SLC24A2: variants seen among roughly 807,000 people sequenced by gnomAD.
The protein encoded by SLC24A2 is sodium/potassium/calcium exchanger 2.
Under a neutral mutation model 62.0 loss-of-function variants are expected in SLC24A2, and 36 were observed. That is an observed-to-expected ratio of 0.58 (90% CI 0.44 to 0.77). The LOEUF is 0.77. Ranked by LOEUF, SLC24A2 falls within the 30% of genes least tolerant of loss-of-function variation. SLC24A2 has a pLI of 0.00. For missense variants in SLC24A2, 846 were observed against 817.9 expected (o/e 1.03, Z -0.42); for synonymous variants, 358 against 294.0 (o/e 1.22, Z -2.23).
the SLC24A2 span, among the ~76,000 whole-genome samples, chr9:19,886,452 A>T: frequency 6.6e-6 from 1 of 152,222 alleles, no homozygotes; most frequent in Non-Finnish European, 1.5e-5. Flanking sequence ...AACATATGAA[A>T]AAAAGCTCAA....
At chr9:19,970,847 A>G in the SLC24A2 span, among the ~76,000 whole-genome samples, 3 of 152,216 alleles carry the variant, frequency 2.0e-5, no homozygotes, top group African/African-American at 7.2e-5. Flanking sequence ...GGCTTGATAG[A>G]CAGTCCTGAC....
At chr9:19,622,668 T>C (rs373284326) in intron 2 of SLC24A2, among the ~76,000 whole-genome samples, 1 of 152,102 alleles carries the variant, frequency 6.6e-6, no homozygotes, top group African/African-American at 2.4e-5. Flanking sequence ...ACTGAAAAAA[T>C]TAAACATTTA....
At chr9:20,239,664 C>G in the SLC24A2 span, among the ~76,000 whole-genome samples, 1,560 of 152,318 alleles carry the variant, frequency 0.01, 28 homozygotes, top group African/African-American at 0.034. Context: ...GACCCAGGAT[C>G]CATCATAAGA....
the SLC24A2 span, among the ~76,000 whole-genome samples, chr9:20,279,130 G>A: frequency 6.6e-6 from 1 of 152,160 alleles, no homozygotes; most frequent in East Asian, 1.9e-4. Context: ...CCCATGATTT[G>A]ATTTTCTCCA....
At chr9:20,002,618 T>C in the SLC24A2 span, among the ~76,000 whole-genome samples, 19 of 152,144 alleles carry the variant, frequency 1.2e-4, no homozygotes, top group Non-Finnish European at 2.4e-4. Flanking sequence ...CAGGCAATCA[T>C]AGTTGAGAGC....
the SLC24A2 span, among the ~76,000 whole-genome samples, chr9:20,099,368 TC>T: frequency 2.6e-5 from 4 of 152,206 alleles, no homozygotes; most frequent in African/African-American, 9.6e-5. Flanking sequence ...ATTTCCTTCT[TC>T]TTTAGGCAAC....
At chr9:19,774,772 G>T (rs952480392) in intron 2 of SLC24A2, among the ~76,000 whole-genome samples, 2 of 152,110 alleles carry the variant, frequency 1.3e-5, no homozygotes, top group Non-Finnish European at 2.9e-5. Context: ...GGGTAAAGAA[G>T]CCCTCATTAC....
chr9:19,665,010 C>T (rs1819208096), intron 2 of SLC24A2, among the ~76,000 whole-genome samples: 2 of 152,124 alleles, frequency 1.3e-5, no homozygotes, highest in South Asian at 4.1e-4. Context: ...CTTGTAACAC[C>T]AGGTTTGCTG....
chr9:20,061,511 T>A, the SLC24A2 span, among the ~76,000 whole-genome samples: 1 of 152,286 alleles, frequency 6.6e-6, no homozygotes, highest in South Asian at 2.1e-4. Context: ...GGTCTTGAGC[T>A]CCTGACCTCA....
chr9:19,706,416 G>T (rs1820521171), intron 2 of SLC24A2, among the ~76,000 whole-genome samples: 2 of 136,968 alleles, frequency 1.5e-5, no homozygotes, highest in South Asian at 2.3e-4. Context: ...GTTTCGCTCT[G>T]TCGCCCATGC....
At chr9:19,855,628 C>T in the SLC24A2 span, among the ~76,000 whole-genome samples, 1 of 152,202 alleles carries the variant, frequency 6.6e-6, no homozygotes, top group Non-Finnish European at 1.5e-5. Context: ...CCAATCTCTT[C>T]TGGCTTGTAG....
intron 2 of SLC24A2, among the ~76,000 whole-genome samples, chr9:19,675,072 C>T (rs1587135074): frequency 6.6e-6 from 1 of 152,286 alleles, no homozygotes; most frequent in Non-Finnish European, 1.5e-5. Flanking sequence ...TGCTCTCTCC[C>T]TTCCCCTAGG....
chr9:19,728,313 A>C (rs1217787574), intron 2 of SLC24A2, among the ~76,000 whole-genome samples: 4 of 152,084 alleles, frequency 2.6e-5, no homozygotes, highest in Non-Finnish European at 4.4e-5. Context: ...AAAAAAAAAA[A>C]AAAACTTGAC....
At chr9:19,843,927 G>T in the SLC24A2 span, among the ~76,000 whole-genome samples, 1 of 152,122 alleles carries the variant, frequency 6.6e-6, no homozygotes, top group East Asian at 1.9e-4. Context: ...GTCCACTGTT[G>T]GTGGGCATCT....
At chr9:20,101,622 C>G in the SLC24A2 span, among the ~76,000 whole-genome samples, 10 of 152,216 alleles carry the variant, frequency 6.6e-5, no homozygotes, top group Non-Finnish European at 1.3e-4. Flanking sequence ...AATTTACAAA[C>G]CAAGGAGGCC....
At chr9:20,122,287 C>T in the SLC24A2 span, among the ~76,000 whole-genome samples, 3 of 152,328 alleles carry the variant, frequency 2.0e-5, no homozygotes, top group African/African-American at 7.2e-5. Context: ...GCTCCCTATA[C>T]ATCCGATAGT....
At chr9:19,724,573 G>T (rs1821117518) in intron 2 of SLC24A2, among the ~76,000 whole-genome samples, 1 of 152,068 alleles carries the variant, frequency 6.6e-6, no homozygotes, top group African/African-American at 2.4e-5. Context: ...TTAATACAAG[G>T]TCTGATATTT....
the SLC24A2 span, among the ~76,000 whole-genome samples, chr9:19,813,120 G>A: frequency 6.6e-6 from 1 of 151,926 alleles, no homozygotes; most frequent in African/African-American, 2.4e-5. Flanking sequence ...AGAGTTTTTG[G>A]CCCAGGATAT....
chr9:20,147,230 C>A, the SLC24A2 span, among the ~76,000 whole-genome samples: 1 of 152,096 alleles, frequency 6.6e-6, no homozygotes, highest in Non-Finnish European at 1.5e-5. Flanking sequence ...ATAAAAAGAT[C>A]CAGGGCAGCT....
Sources: allele counts gnomAD v4.1 joint callset (sites outside exome capture counted in the v4.1 genomes callset), GRCh38; gene constraint gnomAD v4.1.1; transcripts MANE v1.5; gene names NCBI Gene and HGNC (gene_info 2026-07-23, HGNC 2026-07-21).